DACH2: variants seen among roughly 807,000 people sequenced by gnomAD.
The protein encoded by DACH2 is dachshund family transcription factor 2, also known as dachshund homolog 2.
Under a neutral mutation model 35.8 loss-of-function variants are expected in DACH2, and 17 were observed. That is an observed-to-expected ratio of 0.48 (90% CI 0.33 to 0.71). The LOEUF (loss-of-function observed/expected upper bound fraction) is 0.71, where lower values mean the gene tolerates loss of function less well. Ranked by LOEUF, DACH2 falls within the 30% of genes least tolerant of loss-of-function variation. The probability of loss-of-function intolerance (pLI) is 0.02; values close to 1 mark genes in which losing one functional copy is unlikely to be tolerated. For synonymous variants in DACH2, 195 were observed against 177.3 expected (o/e 1.10, Z -0.79); for missense variants, 469 against 472.7 (o/e 0.99, Z 0.07).
chrX:86,464,686 T>TA lies in DACH2; in HGVS notation c.528-49584dup, dbSNP rs200104126. Among the ~76,000 whole-genome samples the TA allele has an allele frequency of 2.8e-4, 30 of 106,805 alleles. 1 individual carries two copies. The highest frequency in any genetic ancestry group is 9.0e-4 in the Admixed American group (9 of 9,984). The allele number at this position is 106,805 out of a possible 115,157, so 92.7% of individuals were successfully genotyped here. On this transcript the variant is annotated intron_variant, in intron 2 of 11. Transcript: ENST00000373125. ...ATGTATCCCATAACTTAAAGTAAAATAAAAAAAAATAAAAAATAAATATTC... is the reference window on the plus strand; with the variant it reads ...ATGTATCCCATAACTTAAAGTAAAATAAAAAAAAAATAAAAAATAAATATTC...
chrX:86,320,575 C>G, intron 1 of DACH2, among the ~76,000 whole-genome samples: 1 of 112,141 alleles, frequency 8.9e-6, no homozygotes, highest in South Asian at 3.7e-4. Flanking sequence ...AGCAGTCCTG[C>G]CATATTGTGT....
intron 7 of DACH2, chrX:86,798,908 C>T: frequency 6.0e-6 from 1 of 165,503 alleles, no homozygotes. Context: ...CTAAGTGCTT[C>T]CATAATTGAC....
chrX:86,181,282 C>T (rs761487287), intron 1 of DACH2, among the ~76,000 whole-genome samples: 1 of 110,058 alleles, frequency 9.1e-6, no homozygotes, highest in Non-Finnish European at 1.9e-5. Flanking sequence ...GTTTGCTGCA[C>T]CCATCAACCC....
intron 6 of DACH2, among the ~76,000 whole-genome samples, chrX:86,718,430 G>T (rs1319770683): frequency 9.0e-6 from 1 of 111,112 alleles, no homozygotes; most frequent in Admixed American, 9.6e-5. Flanking sequence ...TCTATAGGTT[G>T]CCTGTTCAAT....
At chrX:86,654,130 G>A (rs752298702) in intron 4 of DACH2, among the ~76,000 whole-genome samples, 3 of 97,240 alleles carry the variant, frequency 3.1e-5, no homozygotes, top group African/African-American at 7.7e-5. Context: ...CATGAGAGCC[G>A]TGCACATGAA....
intron 1 of DACH2, among the ~76,000 whole-genome samples, chrX:86,156,306 G>T (rs2030542506): frequency 9.0e-6 from 1 of 111,337 alleles, no homozygotes; most frequent in Non-Finnish European, 1.9e-5. Context: ...AATGTTCTGT[G>T]TATATTAGAC....
chrX:86,254,807 T>TATATATATATGTAG (rs1380613474), intron 1 of DACH2, among the ~76,000 whole-genome samples: 1 of 49,660 alleles, frequency 2.0e-5, no homozygotes, highest in Non-Finnish European at 3.2e-5. Flanking sequence ...TATATATATA[T>TATATATATATGTAG]AGAGAGAGAG....
chrX:86,752,450 A>T (rs904037407), intron 7 of DACH2, among the ~76,000 whole-genome samples: 2 of 111,721 alleles, frequency 1.8e-5, no homozygotes, highest in African/African-American at 6.5e-5. Context: ...TAGGCTTATT[A>T]TTAAAAGGTT....
chrX:86,256,564 T>C (rs770873266), intron 1 of DACH2, among the ~76,000 whole-genome samples: 8 of 111,621 alleles, frequency 7.2e-5, no homozygotes, highest in Non-Finnish European at 1.3e-4. Flanking sequence ...AACAACATAC[T>C]GCATCTGACT....
At chrX:86,674,026 T>C (rs1221937012) in intron 4 of DACH2, among the ~76,000 whole-genome samples, 2 of 111,971 alleles carry the variant, frequency 1.8e-5, no homozygotes, top group Non-Finnish European at 3.8e-5. Flanking sequence ...TTACCTAGTC[T>C]CAGGTAGTTC....
At chrX:86,500,885 G>T (rs954028735) in intron 2 of DACH2, among the ~76,000 whole-genome samples, 2 of 111,539 alleles carry the variant, frequency 1.8e-5, no homozygotes, top group African/African-American at 3.3e-5. Context: ...TTTCATTGCC[G>T]ACTTTTTACC....
chrX:86,383,167 C>A (rs1408616305), intron 2 of DACH2, among the ~76,000 whole-genome samples: 1 of 110,264 alleles, frequency 9.1e-6, no homozygotes, highest in East Asian at 2.9e-4. Flanking sequence ...ATCTCAAAAT[C>A]TTTAATACAG....
chrX:86,707,912 T>TAAAAAAAAAAAAAAAAAAAAAAACA lies in DACH2; in HGVS notation c.932-6618_932-6617insAAAAACAAAAAAAAAAAAAAAAAAA, dbSNP rs56293403. Among the ~76,000 whole-genome samples the TAAAAAAAAAAAAAAAAAAAAAAACA allele has an allele frequency of 5.8e-5, 2 of 34,579 alleles. 1 individual carries two copies. The highest frequency in any genetic ancestry group is 3.8e-4 in the African/African-American group (2 of 5,248). 30.0% of individuals were successfully genotyped at this position (34,579 alleles called of 115,157 possible). On this transcript the variant is annotated intron_variant, in intron 5 of 11. Coordinates refer to ENST00000373125, the MANE Select transcript of DACH2 (RefSeq NM_053281.3). Reference sequence around the variant, plus strand: ...CCTGGTGACAGAGTAAGACTCCATCTAAAAAAAAAAAAAAAAAATTACACA... The same window carrying TAAAAAAAAAAAAAAAAAAAAAAACA: ...CCTGGTGACAGAGTAAGACTCCATCTAAAAAAAAAAAAAAAAAAAAAAACAAAAAAAAAAAAAAAAAAATTACACA...
chrX:86,830,328 C>G (rs1430922373), intron 11 of DACH2: 1 of 111,896 alleles, frequency 8.9e-6, no homozygotes, highest in African/African-American at 3.2e-5. Context: ...ATACAACATG[C>G]TACACAGGGG....
intron 3 of DACH2, among the ~76,000 whole-genome samples, chrX:86,585,269 C>T (rs189503970): frequency 1.8e-5 from 2 of 111,285 alleles, no homozygotes; most frequent in East Asian, 2.8e-4. Context: ...TACATTCTCA[C>T]GATCATTGTA....
At chrX:86,812,197 C>G (rs148413936) in intron 7 of DACH2, among the ~76,000 whole-genome samples, 14,685 of 110,655 alleles carry the variant, frequency 0.13, 882 homozygotes, top group South Asian at 0.4. Context: ...AAGCCAGGCA[C>G]AAAAAAACCA....
intron 11 of DACH2, among the ~76,000 whole-genome samples, chrX:86,823,918 A>C (rs1425779462): frequency 8.9e-6 from 1 of 112,025 alleles, no homozygotes; most frequent in Non-Finnish European, 1.9e-5. Context: ...AAACAGGACA[A>C]GGGCAAAATC....
chrX:86,592,378 A>ACTGTT (rs2039658787), intron 3 of DACH2, among the ~76,000 whole-genome samples: 2 of 111,486 alleles, frequency 1.8e-5, no homozygotes, highest in African/African-American at 6.5e-5. Context: ...GTTTTTGTTT[A>ACTGTT]TTCTTTCACT....
intron 7 of DACH2, among the ~76,000 whole-genome samples, chrX:86,760,321 G>A (rs1046637399): frequency 2.7e-5 from 3 of 111,148 alleles, no homozygotes; most frequent in African/African-American, 9.8e-5. Context: ...TTGCCTTCTG[G>A]GACATTGAAA....
Sources: gnomAD v4.1 joint callset for allele counts (sites outside exome capture counted in the v4.1 genomes callset) on GRCh38, gnomAD v4.1.1 for gene constraint, MANE v1.5 for transcripts, NCBI Gene and HGNC (gene_info 2026-07-23, HGNC 2026-07-21) for gene names.